The following FMN1 variants were observed in gnomAD, a reference collection of about 807,000 sequenced individuals.
The protein encoded by FMN1 is formin 1.
In FMN1, 110 loss-of-function variants were observed where a neutral mutation model predicts 132.4. The observed-to-expected ratio is 0.83, with a 90% CI of 0.71 to 0.97. The LOEUF is 0.97. Among genes scored for constraint, FMN1 ranks in the 50% least tolerant of loss-of-function variants. The pLI is 0.00. For synonymous variants in FMN1, 722 were observed against 651.7 expected, an observed-to-expected ratio of 1.11 and a Z score of -1.64; for missense variants, 1,792 against 1,705.3, an observed-to-expected ratio of 1.05 and a Z score of -0.90.
At chr15:32,927,318 G>A (rs527971122) in intron 9 of FMN1, among the ~76,000 whole-genome samples, 2 of 152,266 alleles carry the variant, frequency 1.3e-5, no homozygotes, top group African/African-American at 2.4e-5. Flanking sequence ...GTAGAGTGAC[G>A]CAATCACAGC....
chr15:33,173,851 C>CAAAA (rs1965419161), intron 3 of FMN1, among the ~76,000 whole-genome samples: 1 of 152,122 alleles, frequency 6.6e-6, no homozygotes, highest in Non-Finnish European at 1.5e-5. Flanking sequence ...ATCGCTTGAA[C>CAAAA]CCAGGAGGTG....
At chr15:33,107,904 T>C (rs1187307436) in intron 4 of FMN1, among the ~76,000 whole-genome samples, 1 of 152,148 alleles carries the variant, frequency 6.6e-6, no homozygotes, top group Non-Finnish European at 1.5e-5. Flanking sequence ...TTTTTCATGC[T>C]GGCCCCTTAT....
At chr15:33,096,114 G>C (rs1455720592) in intron 4 of FMN1, among the ~76,000 whole-genome samples, 1 of 152,106 alleles carries the variant, frequency 6.6e-6, no homozygotes, top group East Asian at 1.9e-4. Context: ...TAGTGAGAAT[G>C]AAAGGACATT....
intron 17 of FMN1, among the ~76,000 whole-genome samples, chr15:32,830,279 C>T (rs2058468855): frequency 6.6e-6 from 1 of 152,068 alleles, no homozygotes; most frequent in African/African-American, 2.4e-5. Context: ...TAGATAAAGA[C>T]AGATTTTTAA....
At chr15:33,035,120 G>C (rs2036127862) in intron 6 of FMN1, among the ~76,000 whole-genome samples, 2 of 152,102 alleles carry the variant, frequency 1.3e-5, no homozygotes, top group Admixed American at 1.3e-4. Context: ...ATTTTTAATT[G>C]TGATACACAT....
chr15:32,997,007 T>C (rs934543360), intron 7 of FMN1, among the ~76,000 whole-genome samples: 6 of 152,222 alleles, frequency 3.9e-5, no homozygotes, highest in African/African-American at 9.6e-5. Context: ...GCTGGCAAGC[T>C]GCATAGAAGT....
chr15:32,957,535 T>C (rs2029951864), intron 9 of FMN1, among the ~76,000 whole-genome samples: 1 of 151,936 alleles, frequency 6.6e-6, no homozygotes, highest in East Asian at 1.9e-4. Context: ...CTAACGGAAG[T>C]TGTGGGATAC....
chr15:33,027,000 G>T (rs1159070696), intron 6 of FMN1, among the ~76,000 whole-genome samples: 1 of 152,180 alleles, frequency 6.6e-6, no homozygotes, highest in Non-Finnish European at 1.5e-5. Flanking sequence ...AATTTGTGTG[G>T]AGTGTGGGGG....
chr15:32,775,705 C>T (rs1257924949), intron 20 of FMN1, among the ~76,000 whole-genome samples: 1 of 152,214 alleles, frequency 6.6e-6, no homozygotes, highest in Non-Finnish European at 1.5e-5. Context: ...TCATCAACCT[C>T]ATGCAACATT....
At chr15:33,012,704 G>A in intron 6 of FMN1, 1 of 783,198 alleles carries the variant, frequency 1.3e-6, no homozygotes, top group East Asian at 2.4e-5. Context: ...AGAGGACATA[G>A]TAGTTCTGGA....
chr15:33,113,452 T>C (rs1258816107), intron 4 of FMN1, among the ~76,000 whole-genome samples: 1 of 152,186 alleles, frequency 6.6e-6, no homozygotes, highest in African/African-American at 2.4e-5. Flanking sequence ...ATACTGTTTA[T>C]GTAACATAGA....
intron 7 of FMN1, among the ~76,000 whole-genome samples, chr15:32,975,962 G>T (rs148810184): frequency 6.6e-6 from 1 of 152,232 alleles, no homozygotes; most frequent in African/African-American, 2.4e-5. Context: ...CAACAGAGGA[G>T]ACTTTTGCTT....
At chr15:32,945,218 C>A (rs531303469) in intron 9 of FMN1, among the ~76,000 whole-genome samples, 1 of 152,194 alleles carries the variant, frequency 6.6e-6, no homozygotes, top group South Asian at 2.1e-4. Context: ...TAGCACGGTG[C>A]CAATACATAG....
At chr15:33,093,662 A>G (rs1029558802) in intron 4 of FMN1, among the ~76,000 whole-genome samples, 2 of 152,208 alleles carry the variant, frequency 1.3e-5, no homozygotes, top group African/African-American at 2.4e-5. Flanking sequence ...CCCAGCCTCT[A>G]ACTCCTCACT....
chr15:32,993,907 C>CGGGGGGGGGGGG (rs1214373486), intron 7 of FMN1, among the ~76,000 whole-genome samples: 1 of 36,228 alleles, frequency 2.8e-5, no homozygotes, highest in Non-Finnish European at 5.3e-5. Flanking sequence ...CAGCCGGGGG[C>CGGGGGGGGGGGG]GGGGTGGGGG....
chr15:33,011,955 T>A (rs2034752451), intron 6 of FMN1, among the ~76,000 whole-genome samples: 1 of 152,240 alleles, frequency 6.6e-6, no homozygotes, highest in Non-Finnish European at 1.5e-5. Flanking sequence ...CAAACTGGTA[T>A]AATCACTATG....
At chr15:32,786,894 CGA>C (rs1449538116) in intron 19 of FMN1, among the ~76,000 whole-genome samples, 1 of 152,178 alleles carries the variant, frequency 6.6e-6, no homozygotes, top group Non-Finnish European at 1.5e-5. Flanking sequence ...TGATACTACT[CGA>C]GTCTATACAA....
chr15:33,095,484 C>G (rs889828681), intron 4 of FMN1, among the ~76,000 whole-genome samples: 1 of 152,140 alleles, frequency 6.6e-6, no homozygotes, highest in African/African-American at 2.4e-5. Flanking sequence ...TAGCCTTGGC[C>G]TCCTGTGCTC....
intron 4 of FMN1, among the ~76,000 whole-genome samples, chr15:33,126,954 T>A (rs1378971841): frequency 1.3e-5 from 2 of 152,216 alleles, no homozygotes; most frequent in African/African-American, 4.8e-5. Context: ...GACAAAGAAC[T>A]GTGGTTGGCT....
Sources: gnomAD v4.1 joint callset for allele counts (sites outside exome capture counted in the v4.1 genomes callset) on GRCh38, gnomAD v4.1.1 for gene constraint, MANE v1.5 for transcripts, NCBI Gene and HGNC (gene_info 2026-07-23, HGNC 2026-07-21) for gene names.